CIT: variants seen among roughly 807,000 people sequenced by gnomAD.
The protein encoded by CIT is citron Rho-interacting kinase.
In CIT, 79 loss-of-function variants were observed where a neutral mutation model predicts 272.7. That is an observed-to-expected ratio of 0.29 (90% CI 0.24 to 0.35). The LOEUF (loss-of-function observed/expected upper bound fraction) is 0.35, where lower values mean the gene tolerates loss of function less well. Among genes scored for constraint, CIT ranks in the 10% least tolerant of loss-of-function variants. The probability of loss-of-function intolerance (pLI) is 1.00; values close to 1 mark genes in which losing one functional copy is unlikely to be tolerated. For missense variants in CIT, 1,909 were observed against 2,618.3 expected (o/e 0.73, Z 5.91); for synonymous variants, 948 against 995.6 (o/e 0.95, Z 0.90).
intron 5 of CIT, among the ~76,000 whole-genome samples, chr12:119,844,528 A>G (rs995027785): frequency 1.3e-5 from 2 of 152,148 alleles, no homozygotes; most frequent in Admixed American, 6.6e-5. Flanking sequence ...TAACAAAAGA[A>G]TTTGAGGTTA....
Position 119,713,559 on chromosome 12 carries a change from C to G in CIT, c.4396G>C (p.Ala1466Pro). The G allele has an allele frequency of 6.2e-7, 1 of 1,614,220 alleles. No individual in the cohort carries two copies. Among genetic ancestry groups the G allele is most frequent in the Non-Finnish European group, 8.5e-7 (1 of 1,180,046 alleles). ...PAEYATHFTE[A>P]FCRDKMNSPG... ...GAGTTCATTTTGTCACGGCAGAAGG[C>G]CTCGGTGAAGTGTGTGGCATATTCA... is the stretch of plus-strand genomic sequence containing the variant. The change falls in exon 34 of 48, where the codon GCC (alanine) becomes CCC (proline). Residue 1466 changes from alanine (A) to proline (P), a missense_variant. Ala to Pro is a conservative substitution (Grantham distance 27). This residue lies in a region of CIT where 780 missense variants were observed against 1,067.2 expected (regional missense o/e 0.73). Coordinates refer to ENST00000392521, the MANE Select transcript of CIT (RefSeq NM_001206999.2). This position sits in a 1 kb window ranked among gnomAD's most constrained non-coding sequence, Gnocchi z 5.2.
chr12:119,873,879 T>C (rs534906544), intron 2 of CIT, among the ~76,000 whole-genome samples: 1 of 152,134 alleles, frequency 6.6e-6, no homozygotes, highest in Non-Finnish European at 1.5e-5. Flanking sequence ...AGGAAACAAA[T>C]TTAGTATTAA....
At chr12:119,740,577 T>C (rs1959010780) in intron 24 of CIT, among the ~76,000 whole-genome samples, 1 of 151,608 alleles carries the variant, frequency 6.6e-6, no homozygotes, top group Non-Finnish European at 1.5e-5. Flanking sequence ...GCCAAAAGAC[T>C]GAAAAAGGAA....
chr12:119,719,004 A>AG (rs1045054527), intron 30 of CIT, 143 bp from the exon 31 acceptor site: 33 of 786,842 alleles, frequency 4.2e-5, no homozygotes, highest in African/African-American at 1.6e-4. Context: ...TGGCATGTGA[A>AG]GGGGGGGAAG....
chr12:119,737,306 C>CA lies in CIT; in HGVS notation c.2959-1950dup, dbSNP rs145489542. The stretch of plus-strand genomic sequence containing the variant: ...TGGGTGACAGAGCAAGATTCCATCT[C>CA]AAAAAAAAAAAAAAAAAAAAAAAAA... On this transcript the variant is annotated intron_variant, in intron 24 of 47. Coordinates refer to ENST00000392521, the MANE Select transcript of CIT (RefSeq NM_001206999.2). Among the ~76,000 whole-genome samples the CA allele has an allele frequency of 4.5e-4, 11 of 24,180 alleles. 3 individuals are homozygous for CA. The highest frequency in any genetic ancestry group is 5.9e-4 in the Non-Finnish European group (7 of 11,912). The allele number at this position is 24,180 out of a possible 152,430, so 15.9% of individuals were successfully genotyped here.
chr12:119,789,739 A>C (rs1341095589), intron 10 of CIT, among the ~76,000 whole-genome samples: 3 of 151,778 alleles, frequency 2.0e-5, no homozygotes. Context: ...ACGGAGTCTC[A>C]CTCCGTCACC....
Position 119,772,894 on chromosome 12 carries a change from G to A in CIT, c.1958C>T (p.Thr653Met), listed in dbSNP as rs370041558. The A allele has an allele frequency of 5.1e-5, 82 of 1,613,454 alleles. No homozygotes were observed. Among genetic ancestry groups the A allele is most frequent in the Non-Finnish European group, 5.9e-5 (70 of 1,179,874 alleles). Residue 653 changes from threonine to methionine, a missense_variant, in exon 17 of 48, where the codon ACG (threonine) becomes ATG (methionine). Physicochemically the swap from Thr to Met is moderately conservative, Grantham distance 81. This residue lies in a region of CIT where 530 missense variants were observed against 822.4 expected (regional missense o/e 0.64). Coordinates refer to ENST00000392521, the MANE Select transcript of CIT (RefSeq NM_001206999.2). ...EKLEKAVKAS[T>M]EATELLQNIR... ...ATTCTGCAGCAGCTCGGTGGCCTCC[G>A]TGCTGGCTTTTACAGCCTAGGAAGA...
chr12:119,822,892 C>CT lies in CIT; in HGVS notation c.1038dup (p.Glu347ArgfsTer6), dbSNP rs756877477. 6.2e-7 allele frequency: 1 copy of CT among 1,614,140 alleles called. No homozygotes were observed. Among genetic ancestry groups the CT allele is most frequent in the Non-Finnish European group, 8.5e-7 (1 of 1,180,024 alleles). On this transcript the variant is annotated frameshift_variant, in exon 9 of 48. Transcript: ENST00000392521. LOFTEE classifies it high-confidence loss of function. ...CAAAGACCTTCAAACTTCAGTCTCT[C>CT]TTTCTGGCCGCACAACAAGCTTTGA...
At chr12:119,755,643 G>A (rs1042090425) in intron 22 of CIT, among the ~76,000 whole-genome samples, 5 of 152,202 alleles carry the variant, frequency 3.3e-5, no homozygotes, top group South Asian at 2.1e-4. Context: ...AAAAGCCCTC[G>A]TGTCAGGAAC....
At chr12:119,760,012 C>A (rs1961547143) in intron 20 of CIT, among the ~76,000 whole-genome samples, 1 of 151,224 alleles carries the variant, frequency 6.6e-6, no homozygotes, top group Non-Finnish European at 1.5e-5. Flanking sequence ...CATAGTGAAA[C>A]CCTGTCTCTA....
At position 119,717,414 on chromosome 12, in the gene CIT, C is replaced by CT. The variant is rs765763044; in HGVS notation, c.4168+830dup. Among the ~76,000 whole-genome samples the CT allele has an allele frequency of 7.8e-3, 857 of 109,204 alleles. 36 individuals carry two copies. Among genetic ancestry groups the CT allele is most frequent in the African/African-American group, 0.031 (791 of 25,370 alleles). The allele number at this position is 109,204 out of a possible 152,430, so 71.6% of individuals were successfully genotyped here. On this transcript the variant is annotated intron_variant, in intron 32 of 47. Transcript: ENST00000392521. ...ATTTTTTCATATTCTTTTTTCTTTT[C>CT]TTTTCTTTTTTTTTTTTTTTTTTTG...
chr12:119,764,347 T>C (rs539191067), intron 19 of CIT, among the ~76,000 whole-genome samples: 2 of 152,256 alleles, frequency 1.3e-5, no homozygotes, highest in Admixed American at 1.3e-4. Flanking sequence ...TGAAAATGAA[T>C]GCACAGAACA....
intron 4 of CIT, 131 bp from the exon 5 acceptor site, chr12:119,850,406 A>G (rs1446399661): frequency 1.9e-6 from 1 of 515,680 alleles, no homozygotes; most frequent in Non-Finnish European, 3.4e-6. Context: ...GAAAGAAGGG[A>G]AAAGAAAACA....
chr12:119,817,686 G>C (rs1399599800), intron 9 of CIT, among the ~76,000 whole-genome samples: 1 of 152,142 alleles, frequency 6.6e-6, no homozygotes, highest in Non-Finnish European at 1.5e-5. Flanking sequence ...ATACCCAAAT[G>C]TGTTCATCAA....
In CIT at chr12:119,698,039, T is replaced by C. The variant is rs1480296281; in HGVS notation, c.5639A>G (p.Tyr1880Cys). 1 of 1,614,028 alleles carries C rather than the reference T, an allele frequency of 6.2e-7. No homozygotes were observed. Among genetic ancestry groups the C allele is most frequent in the Non-Finnish European group, 8.5e-7 (1 of 1,179,938 alleles). ...TGAGTTGAAGTGGGTCACAAACAGA[T>C]AGGGTTCTCTGTAGGCTGTGTGATC... ...LPLAFAYREPYLFVTHFNSLE... is the reference protein window; with the variant it reads ...LPLAFAYREPCLFVTHFNSLE... Residue 1880 changes from tyrosine (Y) to cysteine (C), a missense_variant, in exon 45 of 48, where the codon TAT (tyrosine) becomes TGT (cysteine). This residue lies in a region of CIT where 780 missense variants were observed against 1,067.2 expected (regional missense o/e 0.73). Coordinates refer to ENST00000392521, the MANE Select transcript of CIT (RefSeq NM_001206999.2).
intron 14 of CIT, 113 bp downstream of exon 14, chr12:119,776,559 T>A (rs1566026691): frequency 1.7e-6 from 2 of 1,155,110 alleles, no homozygotes; most frequent in Middle Eastern, 4.0e-4. Context: ...TTCCAAGGTA[T>A]CCTACTATTT....
chr12:119,751,925 T>G, intron 23 of CIT, 125 bp downstream of exon 23: 1 of 851,082 alleles, frequency 1.2e-6, no homozygotes, highest in Non-Finnish European at 1.7e-6. Context: ...GGCCACTGAA[T>G]ATCTTTGTGG....
chr12:119,774,589 C>T (rs886273024), intron 16 of CIT, among the ~76,000 whole-genome samples: 3 of 150,952 alleles, frequency 2.0e-5, no homozygotes, highest in African/African-American at 7.3e-5. Context: ...TGTGTGTATA[C>T]ATCACATTGC....
At chr12:119,700,333 G>A (rs185971416) in intron 44 of CIT, among the ~76,000 whole-genome samples, 1 of 152,298 alleles carries the variant, frequency 6.6e-6, no homozygotes, top group East Asian at 1.9e-4. Context: ...GAATTCACAT[G>A]CACAGTGCTT....
Sources: gnomAD v4.1 joint callset for allele counts (sites outside exome capture counted in the v4.1 genomes callset) on GRCh38, gnomAD v4.1.1 for gene constraint, gnomAD v4.1.1 regional missense constraint, Gnocchi (gnomAD v3.1) non-coding constraint, MANE v1.5 for transcripts, NCBI Gene and HGNC (gene_info 2026-07-23, HGNC 2026-07-21) for gene names.